Variants in CDK17 observed in about 807,000 individuals in gnomAD.
CDK17 encodes cyclin dependent kinase 17.
Under a neutral mutation model 77.6 loss-of-function variants are expected in CDK17, and 24 were observed. The ratio of observed to expected loss-of-function variants is 0.31; its 90% CI spans 0.22 to 0.44. CDK17 has a LOEUF of 0.44. CDK17 is among the 20% of genes least tolerant of loss of function. The pLI is 1.00. For missense variants in CDK17, 429 were observed against 622.5 expected (o/e 0.69, Z 3.31); for synonymous variants, 203 against 210.4 (o/e 0.96, Z 0.30).
chr12:96,282,410 T>G (rs71460338), intron 15 of CDK17, 99 bp downstream of exon 15: 41,392 of 736,728 alleles, frequency 0.056, 1,552 homozygotes, highest in Non-Finnish European at 0.066. Context: ...GACTAGAATC[T>G]TAGGCTTAAA....
chr12:96,323,549 A>C (rs1952853585), intron 3 of CDK17, among the ~76,000 whole-genome samples: 1 of 152,214 alleles, frequency 6.6e-6, no homozygotes, highest in African/African-American at 2.4e-5. Context: ...TTTTTCTTGG[A>C]TATTTAAAGA....
chr12:96,307,154 G>C (rs999512634), intron 5 of CDK17, among the ~76,000 whole-genome samples: 3 of 152,110 alleles, frequency 2.0e-5, no homozygotes, highest in African/African-American at 7.2e-5. Flanking sequence ...AATTAGCCGG[G>C]TGTGGTGGCG....
Position 96,400,432 on chromosome 12 carries a change from T to C in CDK17, c.-476A>G, listed in dbSNP as rs1954247255. Reference sequence around the variant, plus strand: ...GTGCGTCGCTTTCACACTCGGCGGCTGCGGATTGACGCCTCCGCCTGTTCC... The same window carrying C: ...GTGCGTCGCTTTCACACTCGGCGGCCGCGGATTGACGCCTCCGCCTGTTCC... On this transcript the variant is annotated 5_prime_UTR_variant, in exon 1 of 17. Coordinates refer to ENST00000261211, the MANE Select transcript of CDK17 (RefSeq NM_002595.5). 2.6e-6 allele frequency: 1 copy of C among 379,550 alleles called. No homozygotes were observed. Among genetic ancestry groups the C allele is most frequent in the African/African-American group, 2.1e-5 (1 of 47,776 alleles). The allele number at this position is 379,550 out of a possible 1,614,324, so 23.5% of individuals were successfully genotyped here. A position where few individuals can be genotyped will look rare whatever the true frequency, so the allele number is the denominator to read the frequency against.
intron 3 of CDK17, among the ~76,000 whole-genome samples, chr12:96,320,242 A>G (rs1952797412): frequency 6.8e-6 from 1 of 146,848 alleles, no homozygotes; most frequent in Non-Finnish European, 1.5e-5. Context: ...TAGGAATCCA[A>G]CTTACAAGGG....
chr12:96,315,050 A>G (rs1255678779), intron 3 of CDK17, among the ~76,000 whole-genome samples: 7 of 152,190 alleles, frequency 4.6e-5, no homozygotes, highest in Non-Finnish European at 1.0e-4. Flanking sequence ...TGGCACTCAG[A>G]AGGTGCTTAA....
Position 96,283,632 on chromosome 12 carries a change from C to T in CDK17, c.1336G>A (p.Gly446Arg). 6.3e-7 allele frequency: 1 copy of T among 1,599,576 alleles called. No homozygotes were observed. The highest frequency in any genetic ancestry group is 8.6e-7 in the Non-Finnish European group (1 of 1,168,202). ...AGAAATTTTGTTATCAACTCAATTCCTTCAGAGTCTAACCTAGAAACAACA... is the reference window on the plus strand; with the variant it reads ...AGAAATTTTGTTATCAACTCAATTCTTTCAGAGTCTAACCTAGAAACAACA... ...INHAPRLDSEGIELITKFLQY... is the reference protein window; with the variant it reads ...INHAPRLDSERIELITKFLQY... Residue 446 changes from glycine (G) to arginine (R), a missense_variant, in exon 14 of 17, where the codon GGA becomes AGA. By Grantham distance (125) the Gly-to-Arg change is moderately radical. Coordinates refer to ENST00000261211, the MANE Select transcript of CDK17 (RefSeq NM_002595.5).
Position 96,286,064 on chromosome 12 carries a change from G to T in CDK17, c.1301C>A (p.Pro434His). Residue 434 changes from proline to histidine, a missense_variant, in exon 13 of 17, where the codon CCT becomes CAT. Coordinates refer to ENST00000261211, the MANE Select transcript of CDK17 (RefSeq NM_002595.5). ...ATACCTGGGTGCGTGGTTAATTAGA[G>T]GCTGTGGTTTATATTTTGGAAAGTT... ...NYNFPKYKPQ[P>H]LINHAPRLDS... is the part of the protein sequence containing the mutation. The T allele has an allele frequency of 6.4e-7, 1 of 1,567,438 alleles. No individual in the cohort carries two copies. Among genetic ancestry groups the T allele is most frequent in the Non-Finnish European group, 8.7e-7 (1 of 1,150,756 alleles).
In CDK17 at chr12:96,318,819, T is replaced by G. The variant is rs1198720014; in HGVS notation, c.283+5129A>C. ...AAAGCAGTGTGTAGAGGGAAATTTA[T>G]AGCACTAAATGCCCACAAGAGAAAG... On this transcript the variant is annotated intron_variant, in intron 3 of 16. Transcript: ENST00000261211. 6.5e-5 allele frequency among the ~76,000 whole-genome samples: 7 copies of G among 107,600 alleles called. No homozygotes were observed. In the Admixed American group the frequency reaches 7.1e-4, roughly 11 times the overall value. The allele number at this position is 107,600 out of a possible 152,430, so 70.6% of individuals were successfully genotyped here.
intron 5 of CDK17, among the ~76,000 whole-genome samples, chr12:96,302,454 T>C (rs539182522): frequency 6.6e-6 from 1 of 152,286 alleles, no homozygotes; most frequent in African/African-American, 2.4e-5. Flanking sequence ...CTTAAATTCA[T>C]GAATATGGAA....
intron 2 of CDK17, among the ~76,000 whole-genome samples, chr12:96,334,333 A>G (rs1953011695): frequency 6.6e-6 from 1 of 152,270 alleles, no homozygotes; most frequent in African/African-American, 2.4e-5. Flanking sequence ...ATGAAGCCAC[A>G]AACAGAAATT....
chr12:96,389,273 C>G (rs1954026986), intron 1 of CDK17, among the ~76,000 whole-genome samples: 1 of 151,806 alleles, frequency 6.6e-6, no homozygotes, highest in Admixed American at 6.6e-5. Flanking sequence ...CCTTGCCCAG[C>G]CAAGAGTTAA....
At chr12:96,359,839 C>T (rs1046289834) in intron 1 of CDK17, among the ~76,000 whole-genome samples, 5 of 152,088 alleles carry the variant, frequency 3.3e-5, no homozygotes, top group Non-Finnish European at 7.4e-5. Context: ...TTATCTATAT[C>T]CCTTGATAAG....
intron 5 of CDK17, chr12:96,303,131 G>GT (rs1184734070): frequency 1.3e-5 from 2 of 152,076 alleles, no homozygotes; most frequent in Non-Finnish European, 2.9e-5. Flanking sequence ...TGACTAGCTT[G>GT]TTGACGTGCT....
intron 3 of CDK17, among the ~76,000 whole-genome samples, chr12:96,318,187 C>A (rs927367618): frequency 6.0e-5 from 9 of 150,814 alleles, no homozygotes; most frequent in Admixed American, 1.3e-4. Context: ...CAACAAAGAT[C>A]AAAAGAGACA....
chr12:96,314,755 A>G (rs183614147), intron 3 of CDK17, among the ~76,000 whole-genome samples: 42 of 152,334 alleles, frequency 2.8e-4, no homozygotes, highest in Non-Finnish European at 5.6e-4. Context: ...CATTTTCCAG[A>G]AAGAAGCATG....
chr12:96,394,618 C>T (rs1016706101), intron 1 of CDK17, among the ~76,000 whole-genome samples: 1 of 151,962 alleles, frequency 6.6e-6, no homozygotes, highest in African/African-American at 2.4e-5. Context: ...AGTTCGAGAC[C>T]AGCCTGGCCA....
At chr12:96,298,496 T>C (rs1241369728) in intron 7 of CDK17, among the ~76,000 whole-genome samples, 1 of 152,182 alleles carries the variant, frequency 6.6e-6, no homozygotes, top group Non-Finnish European at 1.5e-5. Flanking sequence ...ATCAGTTGCC[T>C]CAAGCCATTT....
chr12:96,300,391 TTAC>T (rs1352586595), intron 5 of CDK17, 31 bp from the exon 6 acceptor site: 8 of 1,312,402 alleles, frequency 6.1e-6, no homozygotes, highest in East Asian at 2.3e-5. Flanking sequence ...AATGTAGTAT[TTAC>T]TTTTTTTTTT....
At chr12:96,388,090 T>C (rs1954005869) in intron 1 of CDK17, among the ~76,000 whole-genome samples, 1 of 151,920 alleles carries the variant, frequency 6.6e-6, no homozygotes, top group African/African-American at 2.4e-5. Flanking sequence ...GGCAACATAG[T>C]GACATCTCAT....
Sources: allele counts gnomAD v4.1 joint callset (sites outside exome capture counted in the v4.1 genomes callset), GRCh38; gene constraint gnomAD v4.1.1; transcripts MANE v1.5; gene names NCBI Gene and HGNC (gene_info 2026-07-23, HGNC 2026-07-21).